TASP1: variants seen among roughly 807,000 people sequenced by gnomAD.
The protein encoded by TASP1 is threonine aspartase 1.
In TASP1, 16 loss-of-function variants were observed where a neutral mutation model predicts 56.6. That is an observed-to-expected ratio of 0.28 (90% CI 0.19 to 0.43). TASP1 has a LOEUF of 0.43. Among genes scored for constraint, TASP1 ranks in the 20% least tolerant of loss-of-function variants. The probability of loss-of-function intolerance (pLI) is 1.00; values close to 1 mark genes in which losing one functional copy is unlikely to be tolerated. For synonymous variants in TASP1, 179 were observed against 184.2 expected, an observed-to-expected ratio of 0.97 and a Z score of 0.23; for missense variants, 393 against 511.6, an observed-to-expected ratio of 0.77 and a Z score of 2.24.
At chr20:13,208,388 T>C in the TASP1 span, among the ~76,000 whole-genome samples, 1 of 152,242 alleles carries the variant, frequency 6.6e-6, no homozygotes, top group African/African-American at 2.4e-5. Flanking sequence ...AAGTTGAAAT[T>C]TGTTTAATGC....
the TASP1 span, among the ~76,000 whole-genome samples, chr20:13,352,970 T>C: frequency 2.0e-5 from 3 of 152,106 alleles, no homozygotes; most frequent in Non-Finnish European, 2.9e-5. Context: ...GGCAAGGTGG[T>C]TCACATCTGT....
intron 4 of TASP1, among the ~76,000 whole-genome samples, chr20:13,599,731 A>G (rs1270619006): frequency 6.6e-6 from 1 of 151,932 alleles, no homozygotes; most frequent in African/African-American, 2.4e-5. Context: ...AAAAAACCAT[A>G]TGATCATCTC....
At chr20:13,434,916 G>A (rs2042950187) in intron 12 of TASP1, 128 bp downstream of exon 12, 1 of 594,098 alleles carries the variant, frequency 1.7e-6, no homozygotes, top group Non-Finnish European at 3.0e-6. Context: ...GAACAGGGAT[G>A]TTCAGATATC....
At chr20:13,509,083 T>C (rs909744688) in intron 10 of TASP1, among the ~76,000 whole-genome samples, 1 of 151,748 alleles carries the variant, frequency 6.6e-6, no homozygotes, top group Non-Finnish European at 1.5e-5. Context: ...ATATGGAAAC[T>C]ACCTAAGTGT....
At chr20:13,178,689 T>TA in the TASP1 span, among the ~76,000 whole-genome samples, 1,210 of 110,706 alleles carry the variant, frequency 0.011, 11 homozygotes, top group African/African-American at 0.032. Flanking sequence ...ATATGGAAGC[T>TA]AAAAAAAAAA....
downstream of TASP1, among the ~76,000 whole-genome samples, chr20:13,388,749 G>A (rs8121784): frequency 0.093 from 14,125 of 152,198 alleles, 1,374 homozygotes; most frequent in African/African-American, 0.25. Flanking sequence ...TTAAGAATGA[G>A]AAACAGATAC....
chr20:13,458,380 T>C (rs1024819264), intron 11 of TASP1, among the ~76,000 whole-genome samples: 5 of 152,136 alleles, frequency 3.3e-5, no homozygotes, highest in African/African-American at 1.2e-4. Context: ...GGGGTTTCGC[T>C]CTTGTTGCCT....
the TASP1 span, among the ~76,000 whole-genome samples, chr20:13,360,367 C>T: frequency 3.3e-5 from 5 of 151,606 alleles, no homozygotes; most frequent in South Asian, 8.3e-4. Context: ...TCTTCCTCAT[C>T]TGTTACCTAT....
chr20:13,121,514 TGTGTAGAGAAAACAATCAG>T, the TASP1 span, among the ~76,000 whole-genome samples: 1 of 152,136 alleles, frequency 6.6e-6, no homozygotes, highest in African/African-American at 2.4e-5. Flanking sequence ...TTCAGGCCTG[TGTGTAGAGAAAACAATCAG>T]GGTTTTGAAC....
the TASP1 span, among the ~76,000 whole-genome samples, chr20:13,348,924 C>T: frequency 6.6e-6 from 1 of 152,182 alleles, no homozygotes; most frequent in African/African-American, 2.4e-5. Context: ...ACGTGCAAAA[C>T]GCCCATGTCC....
At chr20:13,480,633 G>C (rs1026870830) in intron 11 of TASP1, among the ~76,000 whole-genome samples, 5 of 152,168 alleles carry the variant, frequency 3.3e-5, no homozygotes, top group Admixed American at 2.6e-4. Context: ...CAACAGAAAA[G>C]AGCAGAGTTC....
At chr20:13,351,230 G>C in the TASP1 span, among the ~76,000 whole-genome samples, 4 of 152,288 alleles carry the variant, frequency 2.6e-5, no homozygotes, top group African/African-American at 9.6e-5. Flanking sequence ...TGCCAGTGGG[G>C]ATGCAAAATA....
At chr20:13,325,605 T>C in the TASP1 span, among the ~76,000 whole-genome samples, 1 of 152,220 alleles carries the variant, frequency 6.6e-6, no homozygotes, top group Non-Finnish European at 1.5e-5. Context: ...AAACCCTGTG[T>C]TCCCTTCGGA....
At chr20:13,317,626 A>G in the TASP1 span, among the ~76,000 whole-genome samples, 3 of 152,012 alleles carry the variant, frequency 2.0e-5, no homozygotes, top group African/African-American at 7.2e-5. Flanking sequence ...AGAGAGCCAG[A>G]GAATAGACCT....
At chr20:13,313,383 T>A in the TASP1 span, among the ~76,000 whole-genome samples, 1 of 152,224 alleles carries the variant, frequency 6.6e-6, no homozygotes, top group East Asian at 1.9e-4. Context: ...CTTGTGTCAA[T>A]CACAGAATTT....
At chr20:13,367,362 T>C in the TASP1 span, among the ~76,000 whole-genome samples, 1 of 152,240 alleles carries the variant, frequency 6.6e-6, no homozygotes, top group South Asian at 2.1e-4. Flanking sequence ...TTTCCAGATA[T>C]TCATTCCCAT....
At chr20:13,226,438 T>C in the TASP1 span, among the ~76,000 whole-genome samples, 1 of 152,204 alleles carries the variant, frequency 6.6e-6, no homozygotes, top group Non-Finnish European at 1.5e-5. Flanking sequence ...TGATTGACAA[T>C]TGTTTCACTT....
At chr20:13,222,111 C>T in the TASP1 span, among the ~76,000 whole-genome samples, 1 of 152,164 alleles carries the variant, frequency 6.6e-6, no homozygotes, top group Non-Finnish European at 1.5e-5. Context: ...AGGCTGCACC[C>T]GGCTTCCAGG....
chr20:13,106,087 A>G, the TASP1 span, among the ~76,000 whole-genome samples: 2 of 152,234 alleles, frequency 1.3e-5, no homozygotes, highest in Admixed American at 6.5e-5. Context: ...GGAACGTTCA[A>G]AAAATATCTA....
Sources: allele counts gnomAD v4.1 joint callset (sites outside exome capture counted in the v4.1 genomes callset), GRCh38; gene constraint gnomAD v4.1.1; transcripts MANE v1.5; gene names NCBI Gene and HGNC (gene_info 2026-07-23, HGNC 2026-07-21).